Variants in NRG1 observed in about 807,000 individuals in gnomAD.
NRG1 encodes neuregulin 1.
In NRG1, 18 loss-of-function variants were observed where a neutral mutation model predicts 63.8. The ratio of observed to expected loss-of-function variants is 0.28; its 90% CI spans 0.19 to 0.42. The LOEUF (loss-of-function observed/expected upper bound fraction) is 0.42, where lower values mean the gene tolerates loss of function less well. NRG1 is among the 10% of genes least tolerant of loss of function. The pLI, the probability that NRG1 is intolerant of heterozygous loss-of-function variation, is 1.00. For missense variants in NRG1, 762 were observed against 814.7 expected, an observed-to-expected ratio of 0.94 and a Z score of 0.79; for synonymous variants, 302 against 301.3, an observed-to-expected ratio of 1.00 and a Z score of -0.02.
At chr8:32,447,601 G>C (rs1421323255) in intron 1 of NRG1, among the ~76,000 whole-genome samples, 1 of 152,182 alleles carries the variant, frequency 6.6e-6, no homozygotes, top group Non-Finnish European at 1.5e-5. Context: ...GGGCGCAGTG[G>C]CTCCCACCTC....
At chr8:32,539,874 T>C (rs1343879918) in intron 1 of NRG1, among the ~76,000 whole-genome samples, 1 of 152,084 alleles carries the variant, frequency 6.6e-6, no homozygotes, top group African/African-American at 2.4e-5. Flanking sequence ...GGTTTTAAGA[T>C]GAGTGTATCA....
intron 1 of NRG1, among the ~76,000 whole-genome samples, chr8:31,760,889 T>C (rs982456154): frequency 1.3e-5 from 2 of 152,116 alleles, no homozygotes; most frequent in African/African-American, 4.8e-5. Flanking sequence ...TGGAAGTCAC[T>C]GTGGCGATTC....
At chr8:32,390,406 C>T (rs950003789) in intron 1 of NRG1, among the ~76,000 whole-genome samples, 2 of 151,926 alleles carry the variant, frequency 1.3e-5, no homozygotes, top group African/African-American at 2.4e-5. Context: ...CATAGTGAGA[C>T]TCCATCTCTA....
intron 1 of NRG1, among the ~76,000 whole-genome samples, chr8:32,474,497 T>C (rs1464974330): frequency 2.9e-5 from 1 of 34,204 alleles, no homozygotes; most frequent in Non-Finnish European, 6.5e-5. Flanking sequence ...GATATTCCCT[T>C]TTTTTTTTTT....
intron 1 of NRG1, among the ~76,000 whole-genome samples, chr8:32,475,891 T>A (rs552436589): frequency 2.0e-5 from 3 of 152,344 alleles, no homozygotes; most frequent in Non-Finnish European, 2.9e-5. Context: ...CATGTATTGA[T>A]CCTATGTATC....
intron 1 of NRG1, among the ~76,000 whole-genome samples, chr8:31,810,302 C>G (rs992141617): frequency 6.6e-6 from 1 of 152,080 alleles, no homozygotes; most frequent in East Asian, 1.9e-4. Context: ...ATTCAGCGGC[C>G]TCAGAGAAAT....
intron 1 of NRG1, among the ~76,000 whole-genome samples, chr8:32,240,058 T>A (rs532018691): frequency 2.4e-4 from 37 of 152,170 alleles, no homozygotes; most frequent in Non-Finnish European, 4.6e-4. Flanking sequence ...TGGACATTTA[T>A]CCCAGAGAAG....
At chr8:32,048,266 T>A (rs1381670183) in intron 1 of NRG1, among the ~76,000 whole-genome samples, 1 of 149,860 alleles carries the variant, frequency 6.7e-6, no homozygotes, top group East Asian at 1.9e-4. Flanking sequence ...TATATATGTA[T>A]GTATATATAT....
At chr8:32,382,892 T>C (rs978413719) in intron 1 of NRG1, among the ~76,000 whole-genome samples, 9 of 152,096 alleles carry the variant, frequency 5.9e-5, no homozygotes, top group African/African-American at 2.2e-4. Flanking sequence ...AATGAACTAC[T>C]TTTTATATAT....
chr8:32,515,984 G>T (rs1411629202), intron 1 of NRG1, among the ~76,000 whole-genome samples: 1 of 152,056 alleles, frequency 6.6e-6, no homozygotes, highest in Non-Finnish European at 1.5e-5. Context: ...TAAATTATTT[G>T]CCAAGGCCAA....
At chr8:31,837,981 T>C (rs1021645298) in intron 1 of NRG1, among the ~76,000 whole-genome samples, 1 of 152,072 alleles carries the variant, frequency 6.6e-6, no homozygotes, top group Non-Finnish European at 1.5e-5. Flanking sequence ...TTTCCTTTCC[T>C]TTGGATATAT....
intron 1 of NRG1, among the ~76,000 whole-genome samples, chr8:32,024,155 T>A (rs1425484403): frequency 6.6e-6 from 1 of 152,214 alleles, no homozygotes; most frequent in East Asian, 1.9e-4. Context: ...TGATCCTGCC[T>A]AATACAGTAA....
chr8:31,639,365 T>C, exon 1 of NRG1: 3 of 1,533,912 alleles, frequency 2.0e-6, no homozygotes, highest in Non-Finnish European at 2.6e-6. Context: ...GAGGACCCAC[T>C]CGCGGGTCCC....
At chr8:31,816,070 T>C (rs1257775751) in intron 1 of NRG1, among the ~76,000 whole-genome samples, 1 of 152,236 alleles carries the variant, frequency 6.6e-6, no homozygotes, top group Non-Finnish European at 1.5e-5. Context: ...TAATTTATTG[T>C]CAGGTACAGA....
At chr8:32,233,189 C>T (rs576156072) in intron 1 of NRG1, among the ~76,000 whole-genome samples, 1 of 152,132 alleles carries the variant, frequency 6.6e-6, no homozygotes, top group Admixed American at 6.6e-5. Context: ...GCAGCCTCAA[C>T]CTTCCAGGCT....
At chr8:32,578,752 C>T (rs1319047163) in intron 1 of NRG1, among the ~76,000 whole-genome samples, 2 of 151,936 alleles carry the variant, frequency 1.3e-5, no homozygotes, top group Non-Finnish European at 2.9e-5. Flanking sequence ...ACTTTTGGAC[C>T]TGATCTATAG....
intron 1 of NRG1, among the ~76,000 whole-genome samples, chr8:31,954,336 T>G (rs954143008): frequency 1.3e-5 from 2 of 152,192 alleles, no homozygotes; most frequent in African/African-American, 2.4e-5. Flanking sequence ...TGTAGGATAA[T>G]AAAGCTTTTA....
intron 1 of NRG1, among the ~76,000 whole-genome samples, chr8:32,512,579 GGTAA>G (rs1829342019): frequency 6.6e-6 from 1 of 152,118 alleles, no homozygotes; most frequent in African/African-American, 2.4e-5. Context: ...AACCTTATAT[GGTAA>G]GTATCTTTTC....
chr8:32,003,350 T>G (rs1439538653), intron 1 of NRG1, among the ~76,000 whole-genome samples: 1 of 152,056 alleles, frequency 6.6e-6, no homozygotes, highest in East Asian at 1.9e-4. Flanking sequence ...TTGACATGTA[T>G]AGACTATTCC....
Sources: allele counts gnomAD v4.1 joint callset (sites outside exome capture counted in the v4.1 genomes callset), GRCh38; gene constraint gnomAD v4.1.1; transcripts MANE v1.5; gene names NCBI Gene and HGNC (gene_info 2026-07-23, HGNC 2026-07-21).